Variants in TRIM54 observed in about 807,000 individuals in gnomAD.
The protein encoded by TRIM54 is tripartite motif containing 54.
A neutral mutation model predicts 42.0 loss-of-function variants in TRIM54; 40 were observed. The ratio of observed to expected loss-of-function variants is 0.95; its 90% CI spans 0.74 to 1.24. The LOEUF is 1.24. Ranked by LOEUF, TRIM54 falls within the 50% of genes most tolerant of loss-of-function variation. The probability of loss-of-function intolerance (pLI) is 0.00; values close to 1 mark genes in which losing one functional copy is unlikely to be tolerated. For synonymous variants in TRIM54, 199 were observed against 194.9 expected (o/e 1.02, Z -0.17); for missense variants, 485 against 480.3 (o/e 1.01, Z -0.09).
chr2:27,292,546 T>A (rs1208675852), intron 1 of TRIM54, among the ~76,000 whole-genome samples: 2 of 152,234 alleles, frequency 1.3e-5, no homozygotes, highest in African/African-American at 4.8e-5. Context: ...AAATTTTTTT[T>A]AATTTTTGTA....
Position 27,307,002 on chromosome 2 carries a change from T to C in TRIM54, c.*117T>C, listed in dbSNP as rs187050445. ...CCCCGGGAGGATCTCAATAAAGAACTCGAGCGTCCCAGACCCGTATCTCCT... is the reference window on the plus strand; with the variant it reads ...CCCCGGGAGGATCTCAATAAAGAACCCGAGCGTCCCAGACCCGTATCTCCT... On this transcript the variant is annotated 3_prime_UTR_variant, in exon 9 of 9. Transcript: ENST00000380075. This position sits in a 1 kb window ranked among gnomAD's most constrained non-coding sequence, Gnocchi z 6.9. 3.5e-3 allele frequency: 798 copies of C among 231,214 alleles called. 3 individuals carry two copies. The highest frequency in any genetic ancestry group is 0.017 in the African/African-American group (750 of 43,056). The allele number at this position is 231,214 out of a possible 1,614,324, so 14.3% of individuals were successfully genotyped here.
chr2:27,292,711 C>T (rs550745103), intron 1 of TRIM54, among the ~76,000 whole-genome samples: 1 of 151,950 alleles, frequency 6.6e-6, no homozygotes, highest in South Asian at 2.1e-4. Context: ...TTAAACAATA[C>T]CTCCCTACTC....
chr2:27,287,277 C>A (rs899489302), intron 1 of TRIM54, among the ~76,000 whole-genome samples: 1 of 152,068 alleles, frequency 6.6e-6, no homozygotes, highest in Non-Finnish European at 1.5e-5. Flanking sequence ...TGATGGCTCA[C>A]TGCAGCCTCG....
intron 4 of TRIM54, 69 bp downstream of exon 4, chr2:27,305,123 ACTG>A: frequency 7.2e-7 from 1 of 1,384,062 alleles, no homozygotes; most frequent in Non-Finnish European, 1.0e-6. Flanking sequence ...TCCCAAGAGA[ACTG>A]CTCCTCTCTG....
intron 1 of TRIM54, among the ~76,000 whole-genome samples, chr2:27,295,050 T>A (rs1203501802): frequency 6.6e-6 from 1 of 152,028 alleles, no homozygotes; most frequent in Non-Finnish European, 1.5e-5. Flanking sequence ...ATTGTTCACC[T>A]CCTCGACCAT....
At chr2:27,294,694 A>G (rs1315912765) in intron 1 of TRIM54, among the ~76,000 whole-genome samples, 2 of 151,766 alleles carry the variant, frequency 1.3e-5, no homozygotes, top group Non-Finnish European at 1.5e-5. Flanking sequence ...GATTGAGACC[A>G]TCTGGCCAAC....
intron 1 of TRIM54, among the ~76,000 whole-genome samples, chr2:27,289,146 G>C (rs565514166): frequency 9.2e-5 from 14 of 152,244 alleles, no homozygotes; most frequent in Non-Finnish European, 1.6e-4. Flanking sequence ...TTAAAATCAG[G>C]GTAGGGAGTA....
chr2:27,301,078 G>A (rs1679021893), intron 3 of TRIM54, among the ~76,000 whole-genome samples: 2 of 151,068 alleles, frequency 1.3e-5, no homozygotes, highest in Admixed American at 6.6e-5. Context: ...GAAAGTAAAG[G>A]AATAAGACAA....
chr2:27,302,984 G>T (rs1266469618), intron 3 of TRIM54, among the ~76,000 whole-genome samples: 2 of 152,144 alleles, frequency 1.3e-5, no homozygotes, highest in Non-Finnish European at 2.9e-5. Flanking sequence ...AGAGACTTCA[G>T]TATGGTGGGT....
intron 3 of TRIM54, among the ~76,000 whole-genome samples, chr2:27,302,727 G>C (rs1417113265): frequency 6.6e-6 from 1 of 151,746 alleles, no homozygotes. Context: ...AGAGGCGGAG[G>C]TTACAGTGAG....
intron 1 of TRIM54, among the ~76,000 whole-genome samples, chr2:27,283,774 A>ACGCGCGTGCG (rs1487660998): frequency 1.1e-5 from 1 of 87,314 alleles, no homozygotes; most frequent in Admixed American, 1.1e-4. Flanking sequence ...GCACACACAC[A>ACGCGCGTGCG]CACACGCGCG....
Position 27,282,540 on chromosome 2 carries a change from G to A in TRIM54, c.-192G>A. ...TACGTGAGCCTGGCGAGGGTGCAGA[G>A]CAGAAAGTAGAGACTGTCCGAAGAC... On this transcript the variant is annotated 5_prime_UTR_variant, in exon 1 of 9. Coordinates refer to ENST00000380075, the MANE Select transcript of TRIM54 (RefSeq NM_187841.3). 1.9e-6 allele frequency: 1 copy of A among 516,006 alleles called. No individual in the cohort carries two copies. Among genetic ancestry groups the A allele is most frequent in the Non-Finnish European group, 3.3e-6 (1 of 301,766 alleles). The allele number at this position is 516,006 out of a possible 1,614,324, so 32.0% of individuals were successfully genotyped here.
At chr2:27,289,752 C>T (rs1324345718) in intron 1 of TRIM54, among the ~76,000 whole-genome samples, 3 of 151,534 alleles carry the variant, frequency 2.0e-5, no homozygotes, top group African/African-American at 7.3e-5. Context: ...AGCAGTGGCA[C>T]ACACCTGCAG....
chr2:27,294,490 C>G (rs906325605), intron 1 of TRIM54, among the ~76,000 whole-genome samples: 2 of 152,110 alleles, frequency 1.3e-5, no homozygotes, highest in Admixed American at 1.3e-4. Context: ...AGTCAGAGTG[C>G]CTAAGTTCCA....
At chr2:27,304,831 T>C (rs1558590909) in intron 3 of TRIM54, 128 bp from the exon 4 acceptor site, 1 of 670,480 alleles carries the variant, frequency 1.5e-6, no homozygotes, top group Non-Finnish European at 2.6e-6. Flanking sequence ...GCCTTCTAGA[T>C]TGCTGTAGAT....
At chr2:27,295,118 T>C (rs1177060159) in intron 1 of TRIM54, among the ~76,000 whole-genome samples, 1 of 151,482 alleles carries the variant, frequency 6.6e-6, no homozygotes, top group Non-Finnish European at 1.5e-5. Context: ...CAGGTTGGAG[T>C]GCAATGGCGC....
intron 3 of TRIM54, 186 bp from the exon 4 acceptor site, chr2:27,304,773 T>G: frequency 2.0e-6 from 1 of 511,584 alleles, no homozygotes; most frequent in South Asian, 3.3e-5. Context: ...TCTCTCCACC[T>G]CCTTCCAGAA....
Position 27,306,213 on chromosome 2 carries a change from G to T in TRIM54, c.867G>T (p.Lys289Asn). Residue 289 changes from lysine to asparagine, a missense_variant and splice_region_variant, in exon 7 of 9, where the codon AAG (lysine) becomes AAT (asparagine). Lys to Asn is a moderately conservative substitution (Grantham distance 94). Transcript: ENST00000380075. This position sits in a 1 kb window ranked among gnomAD's most constrained non-coding sequence, Gnocchi z 6.1. ...YLQQAKELIN[K>N]VGAMSKVELA... ...AGCTGAGTCCGTGTGGCCACTGCAG[G>T]GTCGGGGCCATGTCGAAGGTGGAGC... is the stretch of plus-strand genomic sequence containing the variant. 6.2e-7 allele frequency: 1 copy of T among 1,614,108 alleles called. No homozygotes were observed. The highest frequency in any genetic ancestry group is 1.3e-5 in the African/African-American group (1 of 75,056).
chr2:27,294,240 C>CTTG (rs1678804093), intron 1 of TRIM54, among the ~76,000 whole-genome samples: 1 of 151,938 alleles, frequency 6.6e-6, no homozygotes, highest in Non-Finnish European at 1.5e-5. Context: ...GTGATCCTCC[C>CTTG]ACCTCAGCCT....
Sources: allele counts gnomAD v4.1 joint callset (sites outside exome capture counted in the v4.1 genomes callset), GRCh38; gene constraint gnomAD v4.1.1; non-coding constraint Gnocchi (gnomAD v3.1); transcripts MANE v1.5; gene names NCBI Gene and HGNC (gene_info 2026-07-23, HGNC 2026-07-21).